Variants in AUTS2 observed in about 807,000 individuals in gnomAD.
The protein encoded by AUTS2 is activator of transcription and developmental regulator AUTS2, also known as autism susceptibility gene 2 protein.
Under a neutral mutation model 112.4 loss-of-function variants are expected in AUTS2, and 17 were observed. The observed-to-expected ratio is 0.15, with a 90% CI of 0.10 to 0.23. The LOEUF is 0.23. Ranked by LOEUF, AUTS2 falls within the 10% of genes least tolerant of loss-of-function variation. The pLI is 1.00. For missense variants in AUTS2, 1,510 were observed against 1,701.6 expected, an observed-to-expected ratio of 0.89 and a Z score of 1.98; for synonymous variants, 751 against 702.7, an observed-to-expected ratio of 1.07 and a Z score of -1.09.
At chr7:70,617,856 C>T (rs527979113) in intron 5 of AUTS2, among the ~76,000 whole-genome samples, 1 of 152,338 alleles carries the variant, frequency 6.6e-6, no homozygotes, top group African/African-American at 2.4e-5. Flanking sequence ...TCTCTCTGCA[C>T]ACCGCCTCTA....
At position 69,922,678 on chromosome 7, in the gene AUTS2, T is replaced by C. The variant is rs1312081053; in HGVS notation, c.522+23180T>C. Among the ~76,000 whole-genome samples, 4 of 152,226 alleles carry C rather than the reference T, an allele frequency of 2.6e-5. No individual in the cohort carries two copies. The South Asian group carries it at 6.2e-4, about 24-fold the overall frequency. ...CTGTACACCAGAAAGAATGCTTCTCTCCTTACACATTTCGACACTTCTTAG... is the reference window on the plus strand; with the variant it reads ...CTGTACACCAGAAAGAATGCTTCTCCCCTTACACATTTCGACACTTCTTAG... On this transcript the variant is annotated intron_variant, in intron 2 of 18. Coordinates refer to ENST00000342771, the MANE Select transcript of AUTS2 (RefSeq NM_015570.4).
chr7:70,408,746 G>C (rs1297128548), intron 4 of AUTS2, among the ~76,000 whole-genome samples: 1 of 152,170 alleles, frequency 6.6e-6, no homozygotes, highest in Admixed American at 6.5e-5. Flanking sequence ...AAGTAGTTAG[G>C]AGCTGTGTAC....
chr7:70,552,829 T>C (rs1431979741), intron 5 of AUTS2, among the ~76,000 whole-genome samples: 1 of 152,212 alleles, frequency 6.6e-6, no homozygotes, highest in East Asian at 1.9e-4. Flanking sequence ...TCAGCCATAT[T>C]GTCAAAGCAA....
In AUTS2 at chr7:69,633,039, G is replaced by A. The variant is rs148197376; in HGVS notation, c.309+33077G>A. Among the ~76,000 whole-genome samples the A allele has an allele frequency of 1.8e-3, 278 of 152,146 alleles. 1 individual carries two copies. The highest frequency in any genetic ancestry group is 6.8e-3 in the Middle Eastern group (2 of 294). ...ATACAGTACAATTTTATTACCTTTAGTCCTCATGTTGTACATTAAATCTCT... is the reference window on the plus strand; with the variant it reads ...ATACAGTACAATTTTATTACCTTTAATCCTCATGTTGTACATTAAATCTCT... On this transcript the variant is annotated intron_variant, in intron 1 of 18. Transcript: ENST00000342771.
chr7:69,865,196 G>A (rs1475787412), intron 1 of AUTS2, among the ~76,000 whole-genome samples: 5 of 151,994 alleles, frequency 3.3e-5, no homozygotes, highest in Non-Finnish European at 7.4e-5. Context: ...GACTAAGAAG[G>A]CAGCAAGTGG....
intron 1 of AUTS2, among the ~76,000 whole-genome samples, chr7:69,813,595 G>A (rs1322514727): frequency 6.6e-6 from 1 of 152,192 alleles, no homozygotes; most frequent in Non-Finnish European, 1.5e-5. Flanking sequence ...GATAATGACT[G>A]CAAAGTGCTT....
At chr7:70,096,344 C>A (rs1257380333) in intron 2 of AUTS2, among the ~76,000 whole-genome samples, 1 of 151,880 alleles carries the variant, frequency 6.6e-6, no homozygotes, top group African/African-American at 2.4e-5. Context: ...CGTCTGTAAT[C>A]CCAGCACTTT....
chr7:69,905,925 T>G (rs1319292186), intron 2 of AUTS2, among the ~76,000 whole-genome samples: 1 of 152,236 alleles, frequency 6.6e-6, no homozygotes, highest in Non-Finnish European at 1.5e-5. Context: ...CAGGAGTTGT[T>G]CCATAAAACA....
At chr7:69,860,792 G>C (rs1295737572) in intron 1 of AUTS2, among the ~76,000 whole-genome samples, 1 of 152,182 alleles carries the variant, frequency 6.6e-6, no homozygotes, top group South Asian at 2.1e-4. Context: ...CCTTCACAGG[G>C]TTCTGAGGGT....
chr7:70,142,939 C>G (rs1280653019), intron 4 of AUTS2, among the ~76,000 whole-genome samples: 1 of 152,124 alleles, frequency 6.6e-6, no homozygotes, highest in Non-Finnish European at 1.5e-5. Context: ...CTCTGATTAC[C>G]CACACAACCC....
chr7:70,455,858 T>C (rs1796718542), intron 5 of AUTS2, among the ~76,000 whole-genome samples: 1 of 152,202 alleles, frequency 6.6e-6, no homozygotes, highest in Admixed American at 6.5e-5. Flanking sequence ...CTGGGACTAC[T>C]GATGCATAGC....
intron 2 of AUTS2, among the ~76,000 whole-genome samples, chr7:69,972,917 A>G (rs1797912621): frequency 6.6e-6 from 1 of 152,324 alleles, no homozygotes; most frequent in East Asian, 1.9e-4. Context: ...AAAATTGCTT[A>G]AGATAAAATA....
At chr7:70,688,223 A>T (rs1019879362) in intron 5 of AUTS2, among the ~76,000 whole-genome samples, 1 of 152,192 alleles carries the variant, frequency 6.6e-6, no homozygotes, top group African/African-American at 2.4e-5. Context: ...CCGTGTCTTC[A>T]TTCCTCTCAT....
chr7:70,126,143 G>C (rs542995390), intron 3 of AUTS2, among the ~76,000 whole-genome samples: 3 of 152,322 alleles, frequency 2.0e-5, no homozygotes, highest in South Asian at 4.1e-4. Flanking sequence ...ATGTGGCCAG[G>C]CATGGTGGCT....
chr7:70,714,969 C>T (rs1028445002), intron 6 of AUTS2, among the ~76,000 whole-genome samples: 9 of 152,142 alleles, frequency 5.9e-5, no homozygotes, highest in Non-Finnish European at 1.2e-4. Flanking sequence ...ATCTCATGGT[C>T]TCATCTATTG....
At chr7:70,608,440 T>C (rs763659943) in intron 5 of AUTS2, among the ~76,000 whole-genome samples, 1 of 152,192 alleles carries the variant, frequency 6.6e-6, no homozygotes, top group Non-Finnish European at 1.5e-5. Flanking sequence ...AAAACTGGCA[T>C]CCTGTGGTTT....
rs190821932 is a variant in AUTS2, at chr7:69,607,059, A to G, written c.309+7097A>G. On this transcript the variant is annotated intron_variant, in intron 1 of 18. Coordinates refer to ENST00000342771, the MANE Select transcript of AUTS2 (RefSeq NM_015570.4). ...AGGTCACAAAGAATAGGCCCTTTTT[A>G]TGCTATTAGTATGAGGAGGGGAGGA... Among the ~76,000 whole-genome samples the G allele has an allele frequency of 3.3e-5, 5 of 152,256 alleles. No homozygotes were observed. In the East Asian group the frequency reaches 5.8e-4, roughly 18 times the overall value.
At chr7:70,386,463 AC>A (rs1793611782) in intron 4 of AUTS2, among the ~76,000 whole-genome samples, 1 of 152,118 alleles carries the variant, frequency 6.6e-6, no homozygotes. Context: ...TACAACCATC[AC>A]CACTATCTAA....
At chr7:69,942,845 T>C (rs1053507664) in intron 2 of AUTS2, among the ~76,000 whole-genome samples, 3 of 152,268 alleles carry the variant, frequency 2.0e-5, no homozygotes, top group Non-Finnish European at 4.4e-5. Context: ...TCAGTTTGCA[T>C]GTGTCAACAA....
Sources: gnomAD v4.1 joint callset for allele counts (sites outside exome capture counted in the v4.1 genomes callset) on GRCh38, gnomAD v4.1.1 for gene constraint, MANE v1.5 for transcripts, NCBI Gene and HGNC (gene_info 2026-07-23, HGNC 2026-07-21) for gene names.